PLBD1: variants seen among roughly 807,000 people sequenced by gnomAD.
PLBD1 encodes the protein phospholipase B domain containing 1, also known as lysosomal leucine aminopeptidase.
A neutral mutation model predicts 63.0 loss-of-function variants in PLBD1; 60 were observed. That is an observed-to-expected ratio of 0.95 (90% CI 0.77 to 1.18). The LOEUF (loss-of-function observed/expected upper bound fraction) is 1.18. Among genes scored for constraint, PLBD1 ranks in the 50% most tolerant of loss-of-function variants. The pLI is 0.00. For synonymous variants in PLBD1, 262 were observed against 248.0 expected, an observed-to-expected ratio of 1.06 and a Z score of -0.53; for missense variants, 598 against 677.9, an observed-to-expected ratio of 0.88 and a Z score of 1.31.
intron 6 of PLBD1, among the ~76,000 whole-genome samples, chr12:14,523,431 A>G (rs1343080525): frequency 6.6e-6 from 1 of 152,110 alleles, no homozygotes; most frequent in Non-Finnish European, 1.5e-5. Context: ...ATTCAGTGCA[A>G]TCTCTATCAA....
intron 6 of PLBD1, among the ~76,000 whole-genome samples, chr12:14,523,073 G>A (rs1040289802): frequency 5.9e-5 from 9 of 152,034 alleles, no homozygotes; most frequent in African/African-American, 1.9e-4. Context: ...AACTGTCCCT[G>A]CTTCCAAATG....
chr12:14,534,290 AC>A (rs1312907563), intron 6 of PLBD1, among the ~76,000 whole-genome samples: 1 of 152,228 alleles, frequency 6.6e-6, no homozygotes, highest in African/African-American at 2.4e-5. Context: ...ATCCAGTTGA[AC>A]CCTTAGATGT....
chr12:14,504,058 T>C, intron 10 of PLBD1, 104 bp from the exon 11 acceptor site: 5 of 1,027,860 alleles, frequency 4.9e-6, no homozygotes, highest in Non-Finnish European at 7.0e-6. Flanking sequence ...CAATATTAGC[T>C]TTTTTTTTGA....
Position 14,567,861 on chromosome 12 carries a change from G to A in PLBD1, c.-165C>T, listed in dbSNP as rs1476304762. On this transcript the variant is annotated 5_prime_UTR_variant, in exon 1 of 11. Coordinates refer to ENST00000240617, the MANE Select transcript of PLBD1 (RefSeq NM_024829.6). ...GAGCCCGGCCTGCTCCGGGCTCTGA[G>A]GGGCGAGGACGCTTCACGTGGTGGC... 7.0e-6 allele frequency: 7 copies of A among 1,003,900 alleles called. No homozygotes were observed. The highest frequency in any genetic ancestry group is 8.0e-6 in the Non-Finnish European group (6 of 750,752). 62.2% of individuals were successfully genotyped at this position (1,003,900 alleles called of 1,614,324 possible).
chr12:14,551,265 A>G (rs1362645728), intron 2 of PLBD1, among the ~76,000 whole-genome samples: 1 of 151,904 alleles, frequency 6.6e-6, no homozygotes, highest in African/African-American at 2.4e-5. Flanking sequence ...AGGGAGGCTG[A>G]AGCTCAAGAA....
chr12:14,506,373 T>C, intron 9 of PLBD1, 105 bp from the exon 10 acceptor site: 1 of 795,390 alleles, frequency 1.3e-6, no homozygotes. Flanking sequence ...TCAGAGAGTG[T>C]ACTCCCACAG....
At chr12:14,531,571 T>C (rs753479570) in intron 6 of PLBD1, among the ~76,000 whole-genome samples, 1 of 152,230 alleles carries the variant, frequency 6.6e-6, no homozygotes, top group African/African-American at 2.4e-5. Context: ...AGTGTAAACA[T>C]AGATCGACAT....
At chr12:14,504,849 T>C (rs2097487271) in intron 10 of PLBD1, among the ~76,000 whole-genome samples, 1 of 152,158 alleles carries the variant, frequency 6.6e-6, no homozygotes, top group Admixed American at 6.6e-5. Context: ...AGAGATAAAT[T>C]ACATTTTTAA....
intron 8 of PLBD1, among the ~76,000 whole-genome samples, chr12:14,507,455 G>A (rs1945265106): frequency 6.6e-6 from 1 of 152,144 alleles, no homozygotes; most frequent in African/African-American, 2.4e-5. Flanking sequence ...GGTGGTCTGG[G>A]GAGCTCATCT....
At chr12:14,507,176 G>C in intron 8 of PLBD1, 58 bp from the exon 9 acceptor site, 1 of 1,286,494 alleles carries the variant, frequency 7.8e-7, no homozygotes, top group South Asian at 1.4e-5. Flanking sequence ...GACAGAAAAG[G>C]AGAGAGAGCA....
At chr12:14,516,954 G>A (rs932756659) in intron 6 of PLBD1, among the ~76,000 whole-genome samples, 17 of 152,106 alleles carry the variant, frequency 1.1e-4, no homozygotes, top group Non-Finnish European at 1.9e-4. Context: ...CACAAGAATC[G>A]CTTGAACCTG....
At chr12:14,543,884 G>A (rs536004089) in intron 2 of PLBD1, among the ~76,000 whole-genome samples, 2 of 152,154 alleles carry the variant, frequency 1.3e-5, no homozygotes, top group South Asian at 4.2e-4. Context: ...GTCTTTGGGT[G>A]GTAAACTTTT....
intron 6 of PLBD1, chr12:14,530,961 C>G (rs147202803): frequency 5.9e-5 from 9 of 152,348 alleles, no homozygotes; most frequent in Non-Finnish European, 1.2e-4. Flanking sequence ...AAGCCACTTT[C>G]CTTTGGGTAT....
At position 14,528,865 on chromosome 12, in the gene PLBD1, G is replaced by A. The variant is rs1052216663; in HGVS notation, c.844+6794C>T. 3.9e-5 allele frequency among the ~76,000 whole-genome samples: 6 copies of A among 152,006 alleles called. No homozygotes were observed. The East Asian group carries it at 9.6e-4, about 24-fold the overall frequency. On this transcript the variant is annotated intron_variant, in intron 6 of 10. Transcript: ENST00000240617. ...TCATATCAATAAAAACAATAACTTAGAAAGAAGGGATAAATTCCTTGAAAG... is the reference window on the plus strand; with the variant it reads ...TCATATCAATAAAAACAATAACTTAAAAAGAAGGGATAAATTCCTTGAAAG...
intron 6 of PLBD1, among the ~76,000 whole-genome samples, chr12:14,523,438 T>A (rs1295225649): frequency 1.3e-5 from 2 of 151,884 alleles, no homozygotes; most frequent in Admixed American, 1.3e-4. Context: ...GCAATCTCTA[T>A]CAAAATACCA....
chr12:14,503,701 T>TG lies in PLBD1; in HGVS notation c.*70dup. On this transcript the variant is annotated 3_prime_UTR_variant, in exon 11 of 11. Coordinates refer to ENST00000240617, the MANE Select transcript of PLBD1 (RefSeq NM_024829.6). ...AATATATTTTATTGCATAATTCTGA[T>TG]GGGAAAAACATAGCTAAAATAGTGC... 2 of 1,372,594 alleles carry TG rather than the reference T, an allele frequency of 1.5e-6. No homozygotes were observed. Among genetic ancestry groups the TG allele is most frequent in the Non-Finnish European group, 2.0e-6 (2 of 992,500 alleles). 85.0% of individuals were successfully genotyped at this position (1,372,594 alleles called of 1,614,324 possible). A position where few individuals can be genotyped will look rare whatever the true frequency, so the allele number is the denominator to read the frequency against.
At chr12:14,563,304 G>T (rs1370110235) in intron 1 of PLBD1, among the ~76,000 whole-genome samples, 2 of 152,110 alleles carry the variant, frequency 1.3e-5, no homozygotes, top group Admixed American at 1.3e-4. Context: ...CGATGCACTT[G>T]AGGCCAGGAG....
At chr12:14,557,258 C>T (rs947806911) in intron 1 of PLBD1, among the ~76,000 whole-genome samples, 4 of 152,076 alleles carry the variant, frequency 2.6e-5, no homozygotes, top group Non-Finnish European at 5.9e-5. Flanking sequence ...GTGGTGATTC[C>T]TCAAAGACCT....
intron 2 of PLBD1, among the ~76,000 whole-genome samples, chr12:14,547,476 T>A (rs1945624511): frequency 2.6e-5 from 4 of 152,132 alleles, no homozygotes; most frequent in Admixed American, 2.6e-4. Context: ...TTGACTCCAC[T>A]ACTTCTAAGC....
Sources: allele counts gnomAD v4.1 joint callset (sites outside exome capture counted in the v4.1 genomes callset), GRCh38; gene constraint gnomAD v4.1.1; transcripts MANE v1.5; gene names NCBI Gene and HGNC (gene_info 2026-07-23, HGNC 2026-07-21).